Variants in FAM184A observed in about 807,000 individuals in gnomAD.
FAM184A encodes the protein family with sequence similarity 184 member A, also known as protein FAM184A.
Under a neutral mutation model 143.8 loss-of-function variants are expected in FAM184A, and 99 were observed. The observed-to-expected ratio is 0.69, with a 90% CI of 0.58 to 0.81. The LOEUF (loss-of-function observed/expected upper bound fraction) is 0.81, where lower values mean the gene tolerates loss of function less well. Among genes scored for constraint, FAM184A ranks in the 40% least tolerant of loss-of-function variants. The pLI, the probability that FAM184A is intolerant of heterozygous loss-of-function variation, is 0.00. For synonymous variants in FAM184A, 427 were observed against 446.4 expected (o/e 0.96, Z 0.55); for missense variants, 1,217 against 1,310.5 (o/e 0.93, Z 1.10).
Position 118,975,899 on chromosome 6 carries a change from C to G in FAM184A, c.2583+18G>C, listed in dbSNP as rs756262741. The G allele has an allele frequency of 1.2e-6, 2 of 1,606,746 alleles. No individual in the cohort carries two copies. Among genetic ancestry groups the G allele is most frequent in the Non-Finnish European group, 8.5e-7 (1 of 1,176,770 alleles). ...TCAAATTTAAGAAATCATCAGAGTA[C>G]AGAATACTCTTACTTACCTGTCTTC... On this transcript the variant is annotated intron_variant, in intron 12 of 17. Coordinates refer to ENST00000338891, the MANE Select transcript of FAM184A (RefSeq NM_024581.6).
At chr6:119,008,439 G>A (rs560000129) in intron 6 of FAM184A, among the ~76,000 whole-genome samples, 2 of 152,274 alleles carry the variant, frequency 1.3e-5, no homozygotes, top group South Asian at 4.1e-4. Context: ...GGGAATATGT[G>A]ATTGAAGCAT....
At chr6:118,978,089 A>C (rs911312411) in intron 11 of FAM184A, among the ~76,000 whole-genome samples, 1 of 151,994 alleles carries the variant, frequency 6.6e-6, no homozygotes, top group African/African-American at 2.4e-5. Flanking sequence ...TCAGCCTCCC[A>C]AGTAGCTAGG....
upstream of FAM184A, among the ~76,000 whole-genome samples, chr6:119,080,258 T>C (rs372095332): frequency 1.2e-4 from 19 of 152,306 alleles, no homozygotes; most frequent in African/African-American, 4.3e-4. Flanking sequence ...ATTAGTTGAG[T>C]CACCCAACCT....
At chr6:118,992,702 G>A (rs1164673902) in intron 9 of FAM184A, among the ~76,000 whole-genome samples, 2 of 152,142 alleles carry the variant, frequency 1.3e-5, no homozygotes, top group Non-Finnish European at 2.9e-5. Flanking sequence ...CGAGGCGGGA[G>A]GACTGCTTGA....
Position 119,002,984 on chromosome 6 carries a change from A to T in FAM184A, c.2003T>A (p.Met668Lys). ...LQHEEDKKSA[M>K]SQLLQLKDRE... The stretch of plus-strand genomic sequence containing the variant: ...ATCTTTCAACTGCAAAAGTTGAGAC[A>T]TTGCTGACTTCTTATCCTCTTCATG... The change falls in exon 9 of 18, where the codon ATG becomes AAG. Residue 668 changes from methionine to lysine, a missense_variant. By Grantham distance (95) the Met-to-Lys change is moderately conservative (BLOSUM62 -1). Coordinates refer to ENST00000338891, the MANE Select transcript of FAM184A (RefSeq NM_024581.6). 6.2e-7 allele frequency: 1 copy of T among 1,613,046 alleles called. No individual in the cohort carries two copies. The highest frequency in any genetic ancestry group is 1.1e-5 in the South Asian group (1 of 90,976).
At chr6:118,985,807 A>C (rs1429297994) in intron 9 of FAM184A, among the ~76,000 whole-genome samples, 1 of 152,268 alleles carries the variant, frequency 6.6e-6, no homozygotes, top group Non-Finnish European at 1.5e-5. Flanking sequence ...CTAGCCTATC[A>C]GTCTGAGCAG....
At chr6:119,087,463 G>C (rs1788250883) in intron 1 of FAM184A, among the ~76,000 whole-genome samples, 2 of 152,120 alleles carry the variant, frequency 1.3e-5, no homozygotes, top group South Asian at 4.1e-4. Flanking sequence ...AAGATATACA[G>C]ATGGCTAATA....
chr6:119,103,862 G>T (rs921628310), intron 1 of FAM184A, among the ~76,000 whole-genome samples: 1 of 150,866 alleles, frequency 6.6e-6, no homozygotes, highest in African/African-American at 2.4e-5. Context: ...AGGAGGTGGA[G>T]GTTGCAGTGA....
chr6:119,035,587 G>A (rs368906950), intron 1 of FAM184A, among the ~76,000 whole-genome samples: 54 of 152,216 alleles, frequency 3.5e-4, no homozygotes, highest in Middle Eastern at 3.4e-3. Flanking sequence ...TCCCTGATCC[G>A]GGAGAGAATT....
At chr6:119,104,390 G>T (rs906633607) in intron 1 of FAM184A, among the ~76,000 whole-genome samples, 6 of 152,196 alleles carry the variant, frequency 3.9e-5, no homozygotes, top group Admixed American at 2.0e-4. Context: ...TTAGAATGTG[G>T]AATCTCTAAA....
rs955393056 is a variant in FAM184A, at chr6:119,005,948, G to A, written c.1815+499C>T. ...GAATTGCACGTTCCAATTGTTATCG[G>A]TTGAACTGGGTCCCCAAAAAGATAT... is the stretch of plus-strand genomic sequence containing the variant. On this transcript the variant is annotated intron_variant, in intron 7 of 17. Transcript: ENST00000338891. 1.2e-5 allele frequency: 7 copies of A among 581,742 alleles called. No individual in the cohort carries two copies. In the African/African-American group the frequency reaches 1.3e-4, roughly 11 times the overall value. The allele number at this position is 581,742 out of a possible 1,614,324, so 36.0% of individuals were successfully genotyped here. A position where few individuals can be genotyped will look rare whatever the true frequency, so the allele number is the denominator to read the frequency against.
rs372179672 is a variant in FAM184A, at chr6:119,002,823, CAG to C, written c.2088+74_2088+75del. On this transcript the variant is annotated intron_variant, in intron 9 of 17. Coordinates refer to ENST00000338891, the MANE Select transcript of FAM184A (RefSeq NM_024581.6). ...AAAATAACAAAATTCAGTGAATTAA[CAG>C]AGTTTTACAATATTTGCCTAGCCAG... 6.3e-4 allele frequency: 820 copies of C among 1,298,750 alleles called. 9 individuals are homozygous for C. In the South Asian group the frequency reaches 6.7e-3, roughly 11 times the overall value. 80.5% of individuals were successfully genotyped at this position (1,298,750 alleles called of 1,614,324 possible). A position where few individuals can be genotyped will look rare whatever the true frequency, so the allele number is the denominator to read the frequency against.
intron 1 of FAM184A, among the ~76,000 whole-genome samples, chr6:119,121,055 C>CCACA (rs1198876573): frequency 6.6e-6 from 1 of 151,736 alleles, no homozygotes; most frequent in Non-Finnish European, 1.5e-5. Context: ...AGTAATCCTC[C>CCACA]CACATTGGCC....
chr6:119,138,938 AAT>A (rs539057143), intron 1 of FAM184A, among the ~76,000 whole-genome samples: 148 of 152,106 alleles, frequency 9.7e-4, no homozygotes, highest in African/African-American at 3.4e-3. Context: ...TTTCATTTAT[AAT>A]GATTCTTGTG....
intron 1 of FAM184A, among the ~76,000 whole-genome samples, chr6:119,148,574 C>T (rs1311227681): frequency 2.6e-5 from 4 of 152,138 alleles, no homozygotes; most frequent in Non-Finnish European, 5.9e-5. Context: ...TTAACCCCTT[C>T]CCCAGCACAC....
chr6:119,059,717 A>T (rs1294466436), intron 1 of FAM184A, among the ~76,000 whole-genome samples: 5 of 152,226 alleles, frequency 3.3e-5, no homozygotes. Context: ...TCATAAGTAA[A>T]CATTCTGTCA....
chr6:119,109,758 A>G (rs1788883596), intron 1 of FAM184A, among the ~76,000 whole-genome samples: 1 of 152,168 alleles, frequency 6.6e-6, no homozygotes, highest in South Asian at 2.1e-4. Context: ...TCTGCTATTT[A>G]TTATTTATTA....
chr6:119,020,521 AAAG>A (rs1342172603), intron 3 of FAM184A, among the ~76,000 whole-genome samples: 1 of 152,184 alleles, frequency 6.6e-6, no homozygotes, highest in Non-Finnish European at 1.5e-5. Context: ...CCTGGGAATA[AAAG>A]AAGGACGGAG....
rs1274760579 is a variant in FAM184A, at chr6:118,966,842, T to G, written c.3026A>C (p.Lys1009Thr). The change falls in exon 15 of 18, where the codon AAA becomes ACA. Residue 1009 changes from lysine to threonine, a missense_variant. Lys to Thr is a moderately conservative substitution (Grantham distance 78, BLOSUM62 -1). Transcript: ENST00000338891. ...MLTERDQIIK[K>T]LIEDNKFYQL... ...AAAACCAAAATATCTTACAATTAGTTTCTTTATGATCTGGTCTCTTTCTGT... is the reference window on the plus strand; with the variant it reads ...AAAACCAAAATATCTTACAATTAGTGTCTTTATGATCTGGTCTCTTTCTGT... The G allele has an allele frequency of 6.5e-7, 1 of 1,543,550 alleles. No individual in the cohort carries two copies. The highest frequency in any genetic ancestry group is 2.3e-5 in the East Asian group (1 of 44,188).
Sources: allele counts gnomAD v4.1 joint callset (sites outside exome capture counted in the v4.1 genomes callset), GRCh38; gene constraint gnomAD v4.1.1; transcripts MANE v1.5; gene names NCBI Gene and HGNC (gene_info 2026-07-23, HGNC 2026-07-21).